Variants in ANKRD44 observed in about 807,000 individuals in gnomAD.
ANKRD44 encodes serine/threonine-protein phosphatase 6 regulatory ankyrin repeat subunit B.
Under a neutral mutation model 116.0 loss-of-function variants are expected in ANKRD44, and 35 were observed. The ratio of observed to expected loss-of-function variants is 0.30; its 90% CI spans 0.23 to 0.40. The LOEUF (loss-of-function observed/expected upper bound fraction) is 0.40, where lower values mean the gene tolerates loss of function less well. ANKRD44 is among the 10% of genes least tolerant of loss of function. The pLI, the probability that ANKRD44 is intolerant of heterozygous loss-of-function variation, is 1.00. For missense variants in ANKRD44, 1,014 were observed against 1,242.6 expected, an observed-to-expected ratio of 0.82 and a Z score of 2.77; for synonymous variants, 435 against 461.8, an observed-to-expected ratio of 0.94 and a Z score of 0.74.
rs1424447448 is a variant in ANKRD44 at position 197,118,651 on chromosome 2, G to GAAAGAAAGAAAA, written c.906+2680_906+2681insTTTTCTTTCTTT. Among the ~76,000 whole-genome samples, 456 of 150,480 alleles carry GAAAGAAAGAAAA rather than the reference G, an allele frequency of 3.0e-3. 3 individuals are homozygous for GAAAGAAAGAAAA. The highest frequency in any genetic ancestry group is 9.7e-3 in the African/African-American group (397 of 41,096). ...AGAGAGAGAGAGAGAAAGAAAGAAA[G>GAAAGAAAGAAAA]AAAGAAAGAAAGAAAGAAAGAAAGA... On this transcript the variant is annotated intron_variant, in intron 8 of 27. Transcript: ENST00000282272.
intron 27 of ANKRD44, chr2:196,990,750 C>A: frequency 1.6e-6 from 2 of 1,232,184 alleles, no homozygotes; most frequent in Non-Finnish European, 2.0e-6. Context: ...ACTGCACAGG[C>A]TAACCATGCT....
At chr2:197,116,764 C>A (rs769657969) in intron 8 of ANKRD44, among the ~76,000 whole-genome samples, 1 of 152,146 alleles carries the variant, frequency 6.6e-6, no homozygotes, top group Non-Finnish European at 1.5e-5. Flanking sequence ...AAGCAATCTA[C>A]ATTTTTTCTT....
chr2:196,998,294 T>A, intron 25 of ANKRD44, 43 bp downstream of exon 25: 1 of 1,389,336 alleles, frequency 7.2e-7, no homozygotes, highest in Non-Finnish European at 1.0e-6. Flanking sequence ...TTACTGTTAT[T>A]ATTATAACGT....
At position 196,989,529 on chromosome 2, in the gene ANKRD44, T is replaced by TAC; in HGVS notation, c.*61_*62insGT. 1 of 1,530,086 alleles carries TAC rather than the reference T, an allele frequency of 6.5e-7. No homozygotes were observed. Among genetic ancestry groups the TAC allele is most frequent in the Non-Finnish European group, 8.8e-7 (1 of 1,136,808 alleles). 94.8% of individuals were successfully genotyped at this position (1,530,086 alleles called of 1,614,324 possible). A position where few individuals can be genotyped will look rare whatever the true frequency, so the allele number is the denominator to read the frequency against. ...TGAACTACACACACACACACATATA[T>TAC]ATATATATACACACGCACACATATA... On this transcript the variant is annotated 3_prime_UTR_variant, in exon 28 of 28. Coordinates refer to ENST00000282272, the MANE Select transcript of ANKRD44 (RefSeq NM_001195144.2).
At chr2:197,114,781 CA>C (rs886389803) in intron 8 of ANKRD44, among the ~76,000 whole-genome samples, 2 of 152,262 alleles carry the variant, frequency 1.3e-5, no homozygotes, top group Admixed American at 6.5e-5. Context: ...GGGGTGGGGT[CA>C]AATAAGGTGA....
chr2:197,011,780 T>C (rs1196123270), intron 18 of ANKRD44, among the ~76,000 whole-genome samples: 2 of 152,126 alleles, frequency 1.3e-5, no homozygotes, highest in Non-Finnish European at 2.9e-5. Flanking sequence ...GCCCCTCAGG[T>C]AAATCTAAGT....
intron 21 of ANKRD44, among the ~76,000 whole-genome samples, chr2:196,970,397 T>C (rs2075706990): frequency 6.6e-6 from 1 of 152,200 alleles, no homozygotes; most frequent in Non-Finnish European, 1.5e-5. Flanking sequence ...TGTTTTACAG[T>C]TGAAGGAAGC....
rs2081316175 is a variant in ANKRD44, at chr2:197,211,160, C to A, written c.28-24054G>T. 2.0e-5 allele frequency among the ~76,000 whole-genome samples: 3 copies of A among 152,298 alleles called. 1 individual carries two copies. The East Asian group carries it at 5.8e-4, about 29-fold the overall frequency. On this transcript the variant is annotated intron_variant, in intron 1 of 27. Transcript: ENST00000282272. ...ATATTCTGGGAGATCACAGGAGTTG[C>A]CCTTTGGGCAGATCCAAGGACACCC...
At chr2:197,197,653 T>C (rs1303795170) in intron 1 of ANKRD44, among the ~76,000 whole-genome samples, 1 of 151,044 alleles carries the variant, frequency 6.6e-6, no homozygotes, top group African/African-American at 2.4e-5. Context: ...CCACTAAAAA[T>C]GCAAAAATTA....
At chr2:197,054,785 T>C (rs2077172748) in intron 16 of ANKRD44, among the ~76,000 whole-genome samples, 1 of 152,192 alleles carries the variant, frequency 6.6e-6, no homozygotes, top group African/African-American at 2.4e-5. Context: ...ACTCTTTGGC[T>C]AAAGCACCAT....
intron 4 of ANKRD44, among the ~76,000 whole-genome samples, chr2:197,131,051 C>T (rs1465638793): frequency 6.6e-6 from 1 of 152,218 alleles, no homozygotes. Flanking sequence ...ACATCAACTT[C>T]GTTGGCTCCC....
chr2:197,026,556 C>T (rs1040270171), intron 16 of ANKRD44, among the ~76,000 whole-genome samples: 16 of 152,040 alleles, frequency 1.1e-4, no homozygotes, highest in Non-Finnish European at 2.4e-4. Context: ...GCCAAGTGAG[C>T]GAGGGTGAGA....
intron 1 of ANKRD44, among the ~76,000 whole-genome samples, chr2:197,211,641 G>T (rs543487792): frequency 6.3e-4 from 96 of 152,170 alleles, no homozygotes; most frequent in African/African-American, 2.3e-3. Flanking sequence ...CTAATCCCAT[G>T]AGTACATTTC....
intron 1 of ANKRD44, among the ~76,000 whole-genome samples, chr2:197,280,576 A>G (rs543325535): frequency 3.9e-5 from 6 of 152,214 alleles, no homozygotes; most frequent in Non-Finnish European, 7.3e-5. Flanking sequence ...TTATGTGGAG[A>G]TGGAGGAGCC....
At chr2:197,122,052 T>C (rs2125325802) in intron 7 of ANKRD44, among the ~76,000 whole-genome samples, 1 of 152,258 alleles carries the variant, frequency 6.6e-6, no homozygotes, top group South Asian at 2.1e-4. Context: ...GGTTGCATTT[T>C]AGTAGCAGAG....
At chr2:197,030,901 T>A (rs568801426) in intron 16 of ANKRD44, among the ~76,000 whole-genome samples, 1 of 151,956 alleles carries the variant, frequency 6.6e-6, no homozygotes, top group Admixed American at 6.6e-5. Flanking sequence ...GGTCTCAAAC[T>A]CTAGGCTCAA....
At chr2:196,972,406 T>G (rs1238514478) in intron 21 of ANKRD44, among the ~76,000 whole-genome samples, 1 of 152,162 alleles carries the variant, frequency 6.6e-6, no homozygotes, top group Non-Finnish European at 1.5e-5. Flanking sequence ...TTCCTTATGT[T>G]GGCCAGGCTG....
intron 16 of ANKRD44, among the ~76,000 whole-genome samples, chr2:197,077,081 C>T (rs1218384368): frequency 6.6e-6 from 1 of 152,188 alleles, no homozygotes; most frequent in Non-Finnish European, 1.5e-5. Context: ...GGAATTGCCA[C>T]AGTGCCTTCC....
intron 1 of ANKRD44, among the ~76,000 whole-genome samples, chr2:197,206,800 T>A (rs1246923726): frequency 6.6e-6 from 1 of 152,004 alleles, no homozygotes; most frequent in Non-Finnish European, 1.5e-5. Context: ...GACTGGCTCC[T>A]CCATCATCAA....
Sources: allele counts gnomAD v4.1 joint callset (sites outside exome capture counted in the v4.1 genomes callset), GRCh38; gene constraint gnomAD v4.1.1; transcripts MANE v1.5; gene names NCBI Gene and HGNC (gene_info 2026-07-23, HGNC 2026-07-21).